Variants in MYO5B observed in about 807,000 individuals in gnomAD.
MYO5B encodes the protein unconventional myosin-Vb.
MYO5B carries 143 observed loss-of-function variants against 229.3 expected under a neutral mutation model. That is an observed-to-expected ratio of 0.62 (90% CI 0.54 to 0.72). The LOEUF (loss-of-function observed/expected upper bound fraction) is 0.72, where lower values mean the gene tolerates loss of function less well. Ranked by LOEUF, MYO5B falls within the 30% of genes least tolerant of loss-of-function variation. The pLI, the probability that MYO5B is intolerant of heterozygous loss-of-function variation, is 0.00. For synonymous variants in MYO5B, 918 were observed against 885.2 expected (o/e 1.04, Z -0.66); for missense variants, 2,321 against 2,331.0 (o/e 1.00, Z 0.09).
chr18:49,849,484 G>T, intron 32 of MYO5B, 83 bp downstream of exon 32: 1 of 965,384 alleles, frequency 1.0e-6, no homozygotes, highest in Non-Finnish European at 1.7e-6. Flanking sequence ...AGAATGTGCA[G>T]AGGGCAGGCA....
At position 49,906,581 on chromosome 18, in the gene MYO5B, C is replaced by T. The variant is rs770569913; in HGVS notation, c.2252G>A (p.Gly751Asp). The T allele has an allele frequency of 6.2e-7, 1 of 1,614,158 alleles. No individual in the cohort carries two copies. Among genetic ancestry groups the T allele is most frequent in the South Asian group, 1.1e-5 (1 of 91,082 alleles). The change falls in exon 19 of 40, where the codon GGC becomes GAC. Residue 751 changes from glycine (G) to aspartate (D), a missense_variant. Physicochemically the swap from Gly to Asp is moderately conservative, Grantham distance 94. Around this residue, in one of 2 missense-constraint regions of MYO5B, gnomAD observed 2,113 missense variants for 2,044.7 expected, o/e 1.03. Coordinates refer to ENST00000285039, the MANE Select transcript of MYO5B (RefSeq NM_001080467.3). ...CAGCTTCTCCAGGTAGGCCACCTGGCCTGCTCGAAAGAAGATCTTGGTGCG... is the reference window on the plus strand; with the variant it reads ...CAGCTTCTCCAGGTAGGCCACCTGGTCTGCTCGAAAGAAGATCTTGGTGCG... ...FGRTKIFFRA[G>D]QVAYLEKLRA...
At chr18:50,116,757 A>T (rs2031970101) in intron 1 of MYO5B, among the ~76,000 whole-genome samples, 1 of 151,882 alleles carries the variant, frequency 6.6e-6, no homozygotes, top group Admixed American at 6.6e-5. Context: ...AGACCCACTA[A>T]ATCAGCAGTC....
chr18:49,989,913 G>A, intron 7 of MYO5B, among the ~76,000 whole-genome samples: 1 of 152,180 alleles, frequency 6.6e-6, no homozygotes, highest in Non-Finnish European at 1.5e-5. Context: ...TGGCCTGGCA[G>A]TCCAGAGTCT....
intron 5 of MYO5B, among the ~76,000 whole-genome samples, chr18:49,995,367 G>C (rs768689562): frequency 3.4e-5 from 5 of 148,756 alleles, no homozygotes; most frequent in Non-Finnish European, 5.9e-5. Context: ...CCATTCTCCT[G>C]CCTCAGCCTC....
intron 5 of MYO5B, among the ~76,000 whole-genome samples, chr18:49,995,111 G>A (rs529076242): frequency 9.2e-5 from 14 of 152,102 alleles, no homozygotes; most frequent in South Asian, 2.1e-4. Context: ...CTACCTACAC[G>A]GCGTCACAGC....
chr18:50,001,378 C>A lies in MYO5B; in HGVS notation c.489G>T (p.Gly163=). Residue 163 remains glycine, a synonymous_variant, in exon 5 of 40, where the codon GGG becomes GGT. Transcript: ENST00000285039. The stretch of plus-strand genomic sequence containing the variant: ...ATACCGTCTTCCCGGCTCCAGACTC[C>A]CCACTGACTATGATGGACTGATTCT... The part of the protein sequence containing the change: ...DEKNQSIIVS[G]ESGAGKTVSA... 6.2e-7 allele frequency: 1 copy of A among 1,614,166 alleles called. No homozygotes were observed. Among genetic ancestry groups the A allele is most frequent in the South Asian group, 1.1e-5 (1 of 91,088 alleles).
Position 50,194,761 on chromosome 18 carries a change from G to T in MYO5B, c.27+6C>A. Reference sequence around the variant, plus strand: ...CCCGGGGCGCCTCCCTCGCGGCCGCGCTCACCTGGCTGTAGAGCTCGCCCA... The same window carrying T: ...CCCGGGGCGCCTCCCTCGCGGCCGCTCTCACCTGGCTGTAGAGCTCGCCCA... On this transcript the variant is annotated splice_donor_region_variant and intron_variant, in intron 1 of 39. Coordinates refer to ENST00000285039, the MANE Select transcript of MYO5B (RefSeq NM_001080467.3). The T allele has an allele frequency of 3.4e-6, 5 of 1,480,696 alleles. No homozygotes were observed. Among genetic ancestry groups the T allele is most frequent in the Non-Finnish European group, 4.5e-6 (5 of 1,120,308 alleles). The allele number at this position is 1,480,696 out of a possible 1,614,324, so 91.7% of individuals were successfully genotyped here. A position where few individuals can be genotyped will look rare whatever the true frequency, so the allele number is the denominator to read the frequency against.
At chr18:49,880,539 ATACATG>A in intron 22 of MYO5B, 84 bp from the exon 23 acceptor site, 1 of 1,050,930 alleles carries the variant, frequency 9.5e-7, no homozygotes, top group South Asian at 1.3e-5. Context: ...TTTTAACTGG[ATACATG>A]TAAATGCTCT....
In MYO5B at chr18:49,901,188, A is replaced by G. The variant is rs147837568; in HGVS notation, c.2811+1406T>C. Among the ~76,000 whole-genome samples the G allele has an allele frequency of 4.3e-3, 651 of 152,328 alleles. 5 individuals are homozygous for G. Among genetic ancestry groups the G allele is most frequent in the African/African-American group, 0.015 (609 of 41,562 alleles). ...CCTCCCTTATGATACAGCATGCGAC[A>G]TACGTCACAGCCATCCTCTGTCCAG... On this transcript the variant is annotated intron_variant, in intron 21 of 39. Coordinates refer to ENST00000285039, the MANE Select transcript of MYO5B (RefSeq NM_001080467.3).
intron 17 of MYO5B, among the ~76,000 whole-genome samples, chr18:49,916,630 A>T (rs1163445348): frequency 6.6e-6 from 1 of 152,078 alleles, no homozygotes; most frequent in Non-Finnish European, 1.5e-5. Flanking sequence ...AGGGGAGAGG[A>T]GATGCCAGCT....
chr18:49,869,281 C>T (rs2024431607), intron 27 of MYO5B, among the ~76,000 whole-genome samples: 1 of 152,138 alleles, frequency 6.6e-6, no homozygotes, highest in African/African-American at 2.4e-5. Flanking sequence ...ATAAAAAATA[C>T]TAGTAAGTGG....
intron 1 of MYO5B, among the ~76,000 whole-genome samples, chr18:50,059,604 G>A (rs117834097): frequency 1.9e-4 from 29 of 152,326 alleles, no homozygotes; most frequent in Non-Finnish European, 3.5e-4. Context: ...ATAAAGACAC[G>A]TGGAACACAT....
At chr18:49,965,696 CGG>C (rs1249451936) in intron 10 of MYO5B, among the ~76,000 whole-genome samples, 4 of 152,100 alleles carry the variant, frequency 2.6e-5, no homozygotes, top group Non-Finnish European at 4.4e-5. Flanking sequence ...GCCAGAGAGT[CGG>C]TAGGCAGAGG....
chr18:49,921,276 T>A (rs2025072564), intron 17 of MYO5B, among the ~76,000 whole-genome samples: 1 of 150,436 alleles, frequency 6.6e-6, no homozygotes, highest in Non-Finnish European at 1.5e-5. Flanking sequence ...TTTTTTTTTT[T>A]TTATAATATC....
At chr18:50,037,062 C>G in intron 3 of MYO5B, 68 bp from the exon 4 acceptor site, 1 of 1,577,650 alleles carries the variant, frequency 6.3e-7, no homozygotes, top group Admixed American at 1.7e-5. Flanking sequence ...GCTCAAGGCA[C>G]CCATCCATTC....
At chr18:50,112,172 G>C (rs756696742) in intron 1 of MYO5B, among the ~76,000 whole-genome samples, 1 of 152,164 alleles carries the variant, frequency 6.6e-6, no homozygotes, top group African/African-American at 2.4e-5. Flanking sequence ...GGACAGAAAC[G>C]AGAGAGCAAA....
At chr18:50,023,729 A>G (rs2026301293) in intron 4 of MYO5B, among the ~76,000 whole-genome samples, 1 of 152,168 alleles carries the variant, frequency 6.6e-6, no homozygotes, top group Non-Finnish European at 1.5e-5. Context: ...GCTCCAGAAA[A>G]GAGGCAGGCC....
chr18:50,036,732 G>A, intron 4 of MYO5B, 118 bp downstream of exon 4: 1 of 1,202,578 alleles, frequency 8.3e-7, no homozygotes, highest in South Asian at 1.3e-5. Context: ...TTTCCAAGAT[G>A]TTTCCTCAGT....
chr18:49,890,972 T>C (rs776457343), intron 22 of MYO5B, among the ~76,000 whole-genome samples: 2 of 152,200 alleles, frequency 1.3e-5, no homozygotes, highest in Admixed American at 6.5e-5. Flanking sequence ...TGTGTTTTAA[T>C]TCCTCTCTCA....
Sources: allele counts gnomAD v4.1 joint callset (sites outside exome capture counted in the v4.1 genomes callset), GRCh38; gene constraint gnomAD v4.1.1; regional missense constraint gnomAD v4.1.1; transcripts MANE v1.5; gene names NCBI Gene and HGNC (gene_info 2026-07-23, HGNC 2026-07-21).